Variants in ZZZ3 observed in about 807,000 individuals in gnomAD.
ZZZ3 encodes ZZ-type zinc finger-containing protein 3.
Under a neutral mutation model 95.2 loss-of-function variants are expected in ZZZ3, and 22 were observed. The ratio of observed to expected loss-of-function variants is 0.23; its 90% CI spans 0.17 to 0.33. ZZZ3 has a LOEUF of 0.33. Ranked by LOEUF, ZZZ3 falls within the 10% of genes least tolerant of loss-of-function variation. ZZZ3 has a pLI of 1.00. For missense variants in ZZZ3, 885 were observed against 1,066.5 expected (o/e 0.83, Z 2.37); for synonymous variants, 335 against 358.9 (o/e 0.93, Z 0.75).
At position 77,584,520 on chromosome 1, in the gene ZZZ3, C is replaced by G; in HGVS notation, c.1641G>C (p.Lys547Asn). 6.2e-7 allele frequency: 1 copy of G among 1,607,990 alleles called. No homozygotes were observed. The highest frequency in any genetic ancestry group is 1.1e-5 in the South Asian group (1 of 89,624). ...TTAAAAACAGTTCAATGTATACCTT[C>G]TTCTGGAGTTTTTCCACAAATCCAA... ...NPIGFVEKLQ[K>N]KADIGLPYPQ... The change falls in exon 6 of 15, where the codon AAG becomes AAC. Residue 547 changes from lysine (K) to asparagine (N), a missense_variant. Lys to Asn is a moderately conservative substitution (Grantham distance 94). Transcript: ENST00000370801.
intron 5 of ZZZ3, among the ~76,000 whole-genome samples, chr1:77,606,763 T>C (rs1291654806): frequency 6.6e-6 from 1 of 152,262 alleles, no homozygotes; most frequent in Non-Finnish European, 1.5e-5. Flanking sequence ...ACTACAATGT[T>C]ACTGGGCTTG....
chr1:77,668,641 C>T (rs1228295231), intron 1 of ZZZ3, among the ~76,000 whole-genome samples: 2 of 134,850 alleles, frequency 1.5e-5, no homozygotes, highest in African/African-American at 6.1e-5. Context: ...GAGCAAGACC[C>T]TGTCTCAAAA....
intron 1 of ZZZ3, among the ~76,000 whole-genome samples, chr1:77,664,683 TTC>T (rs1275765556): frequency 6.6e-6 from 1 of 152,224 alleles, no homozygotes; most frequent in Non-Finnish European, 1.5e-5. Context: ...AGCTAAATTG[TTC>T]TGACATTTTA....
intron 6 of ZZZ3, among the ~76,000 whole-genome samples, chr1:77,584,099 A>T (rs1662813839): frequency 6.6e-6 from 1 of 152,224 alleles, no homozygotes; most frequent in African/African-American, 2.4e-5. Flanking sequence ...TTTCTCTCTC[A>T]AAATGCACAA....
intron 6 of ZZZ3, 33 bp downstream of exon 6, chr1:77,584,483 TC>T: frequency 6.4e-7 from 1 of 1,571,922 alleles, no homozygotes; most frequent in Non-Finnish European, 8.6e-7. Flanking sequence ...CCCAAATAGA[TC>T]TTAGTAAATC....
chr1:77,639,260 A>C (rs1481405600), intron 4 of ZZZ3, among the ~76,000 whole-genome samples, 189 bp downstream of exon 4: 1 of 152,158 alleles, frequency 6.6e-6, no homozygotes, highest in Non-Finnish European at 1.5e-5. Context: ...ATTGAAAAAA[A>C]AAGGGAGGGA....
chr1:77,639,501 C>G lies in ZZZ3; in HGVS notation c.-104G>C, dbSNP rs1668581728. On this transcript the variant is annotated 5_prime_UTR_variant, in exon 4 of 15. Coordinates refer to ENST00000370801, the MANE Select transcript of ZZZ3 (RefSeq NM_015534.6). ...GAAATATAATCTCTTTTCCTTATAT[C>G]CTGAAGGAGTTGGAGCTATGATCTA... 3 of 1,485,662 alleles carry G rather than the reference C, an allele frequency of 2.0e-6. No homozygotes were observed. Among genetic ancestry groups the G allele is most frequent in the Admixed American group, 2.3e-5 (1 of 42,968 alleles). 92.0% of individuals were successfully genotyped at this position (1,485,662 alleles called of 1,614,324 possible).
chr1:77,606,526 T>C (rs576115722), intron 5 of ZZZ3, among the ~76,000 whole-genome samples: 39 of 152,184 alleles, frequency 2.6e-4, no homozygotes, highest in African/African-American at 8.7e-4. Flanking sequence ...TAGCGGGCCT[T>C]GGGTGAGACT....
rs561813424 is a variant in ZZZ3, at chr1:77,622,780, T to C, written c.1505+9070A>G. ...AATACCTAATCATAACTAAAACAAG[T>C]AGGTAGAAGTTACCATCATTCTTCA... On this transcript the variant is annotated intron_variant, in intron 5 of 14. Coordinates refer to ENST00000370801, the MANE Select transcript of ZZZ3 (RefSeq NM_015534.6). Among the ~76,000 whole-genome samples, 9 of 152,310 alleles carry C rather than the reference T, an allele frequency of 5.9e-5. No individual in the cohort carries two copies. The East Asian group carries it at 1.7e-3, about 29-fold the overall frequency.
chr1:77,564,748 C>A lies in ZZZ3; in HGVS notation c.*892G>T, dbSNP rs541301952. 6.6e-6 allele frequency: 1 copy of A among 152,470 alleles called. No homozygotes were observed. Among genetic ancestry groups the A allele is most frequent in the Non-Finnish European group, 1.5e-5 (1 of 67,996 alleles). 9.4% of individuals were successfully genotyped at this position (152,470 alleles called of 1,614,324 possible). On this transcript the variant is annotated 3_prime_UTR_variant, in exon 15 of 15. Transcript: ENST00000370801. ...TCTTTTATGGATCTTGTGCAGACTA[C>A]AAAAGAGGGAAATTATTACCATATA...
chr1:77,602,217 G>C (rs956533543), intron 5 of ZZZ3, among the ~76,000 whole-genome samples: 1 of 152,140 alleles, frequency 6.6e-6, no homozygotes, highest in Non-Finnish European at 1.5e-5. Context: ...TGGCAAGAAA[G>C]CTATGCACTT....
intron 5 of ZZZ3, among the ~76,000 whole-genome samples, chr1:77,597,837 T>C (rs973099013): frequency 2.0e-5 from 3 of 152,036 alleles, no homozygotes; most frequent in African/African-American, 4.8e-5. Flanking sequence ...AAAAGGACAT[T>C]AGGTAAAAAC....
At chr1:77,576,546 A>G (rs1241748013) in intron 11 of ZZZ3, among the ~76,000 whole-genome samples, 2 of 152,202 alleles carry the variant, frequency 1.3e-5, no homozygotes, top group Non-Finnish European at 1.5e-5. Flanking sequence ...TGATCATCTT[A>G]TAGAAGATCA....
chr1:77,653,334 G>C (rs1308898913), intron 1 of ZZZ3, among the ~76,000 whole-genome samples: 1 of 152,188 alleles, frequency 6.6e-6, no homozygotes, highest in African/African-American at 2.4e-5. Flanking sequence ...TTAGGGTGAT[G>C]CAAGTATTCT....
chr1:77,623,245 T>C (rs958124120), intron 5 of ZZZ3, among the ~76,000 whole-genome samples: 2 of 152,066 alleles, frequency 1.3e-5, no homozygotes, highest in South Asian at 2.1e-4. Context: ...AGAAAACAGT[T>C]TGGGGAAGCT....
intron 5 of ZZZ3, among the ~76,000 whole-genome samples, chr1:77,588,461 A>C (rs1016525681): frequency 6.6e-6 from 1 of 152,190 alleles, no homozygotes; most frequent in African/African-American, 2.4e-5. Flanking sequence ...CAGGAAAAAA[A>C]AAAATAGACT....
Position 77,582,073 on chromosome 1 carries a change from T to A in ZZZ3, c.1698A>T (p.Val566=). Residue 566 remains valine (V), a synonymous_variant, in exon 7 of 15, where the codon GTA becomes GTT. Coordinates refer to ENST00000370801, the MANE Select transcript of ZZZ3 (RefSeq NM_015534.6). The stretch of plus-strand genomic sequence containing the variant: ...CAAGGCTATGGGTATATTGGTCCCA[T>A]ACGATCTCAGGCAATTGAACAACTC... ...PQRVVQLPEI[V]WDQYTHSLGN... 1 of 1,613,682 alleles carries A rather than the reference T, an allele frequency of 6.2e-7. No homozygotes were observed.
intron 5 of ZZZ3, among the ~76,000 whole-genome samples, chr1:77,598,045 T>A (rs952668479): frequency 2.6e-5 from 4 of 152,056 alleles, no homozygotes; most frequent in African/African-American, 9.7e-5. Context: ...TTTTTAAAAA[T>A]AAATAAATAC....
At chr1:77,634,848 G>A (rs80234666) in intron 4 of ZZZ3, among the ~76,000 whole-genome samples, 1 of 152,012 alleles carries the variant, frequency 6.6e-6, no homozygotes, top group Non-Finnish European at 1.5e-5. Flanking sequence ...TCTATTCCCC[G>A]ACTCCTCTTC....
Sources: allele counts gnomAD v4.1 joint callset (sites outside exome capture counted in the v4.1 genomes callset), GRCh38; gene constraint gnomAD v4.1.1; transcripts MANE v1.5; gene names NCBI Gene and HGNC (gene_info 2026-07-23, HGNC 2026-07-21).